Variants in KRT6A observed in about 807,000 individuals in gnomAD.
KRT6A encodes keratin, type II cytoskeletal 6A.
In KRT6A, 28 loss-of-function variants were observed where a neutral mutation model predicts 48.6. That is an observed-to-expected ratio of 0.58 (90% CI 0.43 to 0.79). The LOEUF is 0.79. KRT6A is among the 30% of genes least tolerant of loss of function. The pLI is 0.00. For missense variants in KRT6A, 687 were observed against 724.3 expected (o/e 0.95, Z 0.59); for synonymous variants, 301 against 294.2 (o/e 1.02, Z -0.24).
rs1938165072 is a variant in KRT6A, at chr12:52,487,552, T to C, written c.*168A>G. On this transcript the variant is annotated 3_prime_UTR_variant, in exon 9 of 9. Coordinates refer to ENST00000330722, the MANE Select transcript of KRT6A (RefSeq NM_005554.4). ...TGATGGTGAGCAATGGGTGCTCAGA[T>C]GGTATAGAGAGAGAGAGAAGAAGTG... 3 of 756,282 alleles carry C rather than the reference T, an allele frequency of 4.0e-6. No homozygotes were observed. Among genetic ancestry groups the C allele is most frequent in the Non-Finnish European group, 6.5e-6 (3 of 460,694 alleles). 46.8% of individuals were successfully genotyped at this position (756,282 alleles called of 1,614,324 possible). A position where few individuals can be genotyped will look rare whatever the true frequency, so the allele number is the denominator to read the frequency against.
At position 52,488,445 on chromosome 12, in the gene KRT6A, T is replaced by G; in HGVS notation, c.1307A>C (p.Lys436Thr). 1 of 1,614,180 alleles carries G rather than the reference T, an allele frequency of 6.2e-7. No homozygotes were observed. Among genetic ancestry groups the G allele is most frequent in the South Asian group, 1.1e-5 (1 of 91,084 alleles). The change falls in exon 7 of 9, where the codon AAG becomes ACG. Residue 436 changes from lysine (K) to threonine (T), a missense_variant. Lys to Thr is a moderately conservative substitution (Grantham distance 78). This residue lies in a region of KRT6A where 566 missense variants were observed against 565.3 expected (regional missense o/e 1.00). Transcript: ENST00000330722. Reference protein sequence around the residue: ...KLEGLEDALQKAKQDLARLLK... With the variant: ...KLEGLEDALQTAKQDLARLLK... ...CAGCCGGGCCAGGTCCTGCTTGGCCTTCTGCAGGGCATCCTCCAGCCCTTC... is the reference window on the plus strand; with the variant it reads ...CAGCCGGGCCAGGTCCTGCTTGGCCGTCTGCAGGGCATCCTCCAGCCCTTC...
intron 5 of KRT6A, 197 bp from the exon 6 acceptor site, chr12:52,490,265 C>T: frequency 2.7e-6 from 3 of 1,111,622 alleles, no homozygotes; most frequent in South Asian, 2.8e-5. Context: ...GGCACCACTG[C>T]CTGCCTAGTT....
intron 8 of KRT6A, 51 bp downstream of exon 8, chr12:52,488,018 C>T (rs747864197): frequency 1.2e-6 from 2 of 1,614,136 alleles, no homozygotes; most frequent in South Asian, 1.1e-5. Context: ...CAGCCTGAGC[C>T]CAGTCAGAAG....
intron 6 of KRT6A, among the ~76,000 whole-genome samples, chr12:52,489,644 G>T (rs577792586): frequency 2.0e-5 from 3 of 152,208 alleles, no homozygotes; most frequent in East Asian, 1.9e-4. Flanking sequence ...TTTATGTGTG[G>T]CCCAAGATAG....
chr12:52,488,619 T>C, intron 6 of KRT6A, 71 bp from the exon 7 acceptor site: 2 of 1,455,400 alleles, frequency 1.4e-6, no homozygotes, highest in Non-Finnish European at 1.8e-6. Context: ...GGCTGGTTAT[T>C]TCCTAGTGAA....
intron 5 of KRT6A, chr12:52,490,304 A>C (rs1408213970): frequency 2.1e-6 from 2 of 953,900 alleles, no homozygotes; most frequent in Non-Finnish European, 3.1e-6. Flanking sequence ...GTTCTGTACC[A>C]ATTTCTAAAA....
At chr12:52,489,408 AG>A (rs1190931128) in intron 6 of KRT6A, among the ~76,000 whole-genome samples, 3 of 152,106 alleles carry the variant, frequency 2.0e-5, no homozygotes, top group African/African-American at 7.2e-5. Context: ...TCTCCTGAGT[AG>A]CTGGGACTAC....
At chr12:52,491,011 C>A (rs1938252284) in intron 3 of KRT6A, 58 bp from the exon 4 acceptor site, 2 of 1,613,812 alleles carry the variant, frequency 1.2e-6, no homozygotes, top group Non-Finnish European at 1.7e-6. Context: ...ATCTACCCAT[C>A]TTCTAGTCTC....
chr12:52,489,830 C>T (rs1324968114), intron 6 of KRT6A, 113 bp downstream of exon 6: 1 of 1,559,106 alleles, frequency 6.4e-7, no homozygotes, highest in East Asian at 2.3e-5. Context: ...AAATGATAGC[C>T]TCCTCTCCCT....
At chr12:52,488,894 A>G (rs1938200679) in intron 6 of KRT6A, among the ~76,000 whole-genome samples, 1 of 152,212 alleles carries the variant, frequency 6.6e-6, no homozygotes, top group Non-Finnish European at 1.5e-5. Context: ...TACCTCATAT[A>G]GATGCCACAC....
Position 52,487,694 on chromosome 12 carries a change from T to G in KRT6A, c.*26A>C. ...CAGCCAGAGAGGGGCCTGAGGACTG[T>G]GGGACCGAGAGCTAGCAGACGCACT... is the stretch of plus-strand genomic sequence containing the variant. On this transcript the variant is annotated 3_prime_UTR_variant, in exon 9 of 9. Coordinates refer to ENST00000330722, the MANE Select transcript of KRT6A (RefSeq NM_005554.4). 2 of 1,614,080 alleles carry G rather than the reference T, an allele frequency of 1.2e-6. No homozygotes were observed.
chr12:52,487,896 A>G lies in KRT6A; in HGVS notation c.1519T>C (p.Leu507=), dbSNP rs1938175679. The G allele has an allele frequency of 6.2e-7, 1 of 1,613,934 alleles. No individual in the cohort carries two copies. Among genetic ancestry groups the G allele is most frequent in the Non-Finnish European group, 8.5e-7 (1 of 1,179,918 alleles). The change falls in exon 9 of 9, where the codon TTA becomes CTA. Residue 507 remains leucine, a synonymous_variant. Coordinates refer to ENST00000330722, the MANE Select transcript of KRT6A (RefSeq NM_005554.4). ...TAGCTGCTTCCTCCACCCAGGCCTAAGCCACTGCCGACACCACTGGCACCG... is the reference window on the plus strand; with the variant it reads ...TAGCTGCTTCCTCCACCCAGGCCTAGGCCACTGCCGACACCACTGGCACCG... ...YGGASGVGSG[L]GLGGGSSYSY...
At position 52,493,240 on chromosome 12, in the gene KRT6A, G is replaced by A. The variant is rs752987349; in HGVS notation, c.-52C>T. On this transcript the variant is annotated 5_prime_UTR_variant, in exon 1 of 9. Coordinates refer to ENST00000330722, the MANE Select transcript of KRT6A (RefSeq NM_005554.4). ...AGAGTGTGAGAGGCTGGAGGAGAGA[G>A]GGAAGAGAAGCAGGACTAGGAATCA... 38 of 1,613,008 alleles carry A rather than the reference G, an allele frequency of 2.4e-5. No homozygotes were observed. The highest frequency in any genetic ancestry group is 3.2e-5 in the Non-Finnish European group (38 of 1,179,592).
chr12:52,487,812 T>C lies in KRT6A; in HGVS notation c.1603A>G (p.Ile535Val). ...GGFSSSSGRAIGGGLSSVGGG... is the reference protein window; with the variant it reads ...GGFSSSSGRAVGGGLSSVGGG... ...CCAACAGAGCTGAGGCCACCCCCAA[T>C]GGCTCTGCCACTGCTGGAACTGAAG... The change falls in exon 9 of 9, where the codon ATT becomes GTT. Residue 535 changes from isoleucine to valine, a missense_variant. Physicochemically the swap from Ile to Val is conservative, Grantham distance 29. Coordinates refer to ENST00000330722, the MANE Select transcript of KRT6A (RefSeq NM_005554.4). The C allele has an allele frequency of 3.1e-6, 5 of 1,614,044 alleles. No individual in the cohort carries two copies. The highest frequency in any genetic ancestry group is 4.2e-6 in the Non-Finnish European group (5 of 1,179,908).
At position 52,487,300 on chromosome 12, in the gene KRT6A, G is replaced by T. The variant is rs544575151; in HGVS notation, c.*420C>A. ...GTGCTTTCATGGATACTGCCTGGGT[G>T]GGGGTTCACAACACTTATAAGTTAG... On this transcript the variant is annotated 3_prime_UTR_variant, in exon 9 of 9. Coordinates refer to ENST00000330722, the MANE Select transcript of KRT6A (RefSeq NM_005554.4). 3 of 269,498 alleles carry T rather than the reference G, an allele frequency of 1.1e-5. No homozygotes were observed. The East Asian group carries it at 2.7e-4, about 24-fold the overall frequency. 16.7% of individuals were successfully genotyped at this position (269,498 alleles called of 1,614,324 possible).
chr12:52,488,859 C>A (rs370160962), intron 6 of KRT6A, among the ~76,000 whole-genome samples: 1 of 152,174 alleles, frequency 6.6e-6, no homozygotes, highest in African/African-American at 2.4e-5. Flanking sequence ...GTTGTCTCCA[C>A]AGTCAAATCA....
chr12:52,488,365 C>T lies in KRT6A; in HGVS notation c.1387G>A (p.Ala463Thr), dbSNP rs267607462. The T allele has an allele frequency of 1.2e-6, 2 of 1,614,094 alleles. No homozygotes were observed. Reference protein sequence around the residue: ...NVKLALDVEIATYRKLLEGEE... With the variant: ...NVKLALDVEITTYRKLLEGEE... ...CCCTCCAGCAGCTTGCGGTAGGTGGCGATCTCCACGTCCAGGGCCAGCTTG... is the reference window on the plus strand; with the variant it reads ...CCCTCCAGCAGCTTGCGGTAGGTGGTGATCTCCACGTCCAGGGCCAGCTTG... Residue 463 changes from alanine to threonine, a missense_variant, in exon 7 of 9, where the codon GCC (alanine) becomes ACC (threonine). Around this residue, in one of 3 missense-constraint regions of KRT6A, gnomAD observed 566 missense variants for 565.3 expected, o/e 1.00. Transcript: ENST00000330722.
chr12:52,492,590 G>A (rs907044042), intron 1 of KRT6A, 59 bp downstream of exon 1: 10 of 1,613,644 alleles, frequency 6.2e-6, no homozygotes, highest in Non-Finnish European at 5.1e-6. Flanking sequence ...GCAGGAAGGT[G>A]TTGCTCCTCT....
chr12:52,487,527 T>C lies in KRT6A; in HGVS notation c.*193A>G. 1 of 653,352 alleles carries C rather than the reference T, an allele frequency of 1.5e-6. No homozygotes were observed. Among genetic ancestry groups the C allele is most frequent in the East Asian group, 2.7e-5 (1 of 36,576 alleles). 40.5% of individuals were successfully genotyped at this position (653,352 alleles called of 1,614,324 possible). A position where few individuals can be genotyped will look rare whatever the true frequency, so the allele number is the denominator to read the frequency against. On this transcript the variant is annotated 3_prime_UTR_variant, in exon 9 of 9. Transcript: ENST00000330722. ...CATGATGTAAAATCAGAGGTTGATCTGATGGTGAGCAATGGGTGCTCAGAT... is the reference window on the plus strand; with the variant it reads ...CATGATGTAAAATCAGAGGTTGATCCGATGGTGAGCAATGGGTGCTCAGAT...
Sources: allele counts gnomAD v4.1 joint callset (sites outside exome capture counted in the v4.1 genomes callset), GRCh38; gene constraint gnomAD v4.1.1; regional missense constraint gnomAD v4.1.1; transcripts MANE v1.5; gene names NCBI Gene and HGNC (gene_info 2026-07-23, HGNC 2026-07-21).